Variants in TASOR2 observed in about 807,000 individuals in gnomAD.
The protein encoded by TASOR2 is protein TASOR 2.
Under a neutral mutation model 199.5 loss-of-function variants are expected in TASOR2, and 84 were observed. The observed-to-expected ratio is 0.42, with a 90% CI of 0.35 to 0.50. The LOEUF is 0.50. Among genes scored for constraint, TASOR2 ranks in the 20% least tolerant of loss-of-function variants. The pLI is 0.02. For synonymous variants in TASOR2, 1,103 were observed against 1,046.6 expected (o/e 1.05, Z -1.04); for missense variants, 2,796 against 2,835.9 (o/e 0.99, Z 0.32).
At chr10:5,755,850 G>T (rs1361137795) in intron 15 of TASOR2, among the ~76,000 whole-genome samples, 1 of 151,954 alleles carries the variant, frequency 6.6e-6, no homozygotes. Context: ...AAAAAAGCCG[G>T]GCCCAGTGAT....
At chr10:5,704,793 T>A in intron 1 of TASOR2, among the ~76,000 whole-genome samples, 1 of 152,356 alleles carries the variant, frequency 6.6e-6, no homozygotes, top group South Asian at 2.1e-4. Context: ...ATCATGTTAC[T>A]CTTTAACTTA....
At position 5,734,650 on chromosome 10, in the gene TASOR2, T is replaced by C. The variant is rs1835300220; in HGVS notation, c.1205-654T>C. ...CTGTTTGTTTAAACAGAAATATCTA[T>C]ATCCTGGGGCTGTGATCTAGCATAT... On this transcript the variant is annotated intron_variant, in intron 11 of 20. Transcript: ENST00000328090. 3.3e-5 allele frequency among the ~76,000 whole-genome samples: 5 copies of C among 152,094 alleles called. No homozygotes were observed. In the South Asian group the frequency reaches 1.0e-3, roughly 32 times the overall value.
In TASOR2 at chr10:5,748,943, C is replaced by T; in HGVS notation, c.5522C>T (p.Pro1841Leu). The T allele has an allele frequency of 1.2e-6, 2 of 1,613,938 alleles. No individual in the cohort carries two copies. The highest frequency in any genetic ancestry group is 1.7e-6 in the Non-Finnish European group (2 of 1,180,010). Residue 1841 changes from proline (P) to leucine (L), a missense_variant, in exon 15 of 21, where the codon CCC becomes CTC. Physicochemically the swap from Pro to Leu is moderately conservative, Grantham distance 98 (BLOSUM62 -3). This residue lies in a region of TASOR2 where 1,941 missense variants were observed against 1,924.9 expected (regional missense o/e 1.01). Coordinates refer to ENST00000328090, the Ensembl canonical transcript of TASOR2. The surrounding 1 kb of genome is among the most constrained non-coding windows in gnomAD (Gnocchi z 5.1). Reference sequence around the variant, plus strand: ...GACCTGCTTGGTGATTGTAGAAATCCCAGACTGGATTTGGAGGATTCTTAT... The same window carrying T: ...GACCTGCTTGGTGATTGTAGAAATCTCAGACTGGATTTGGAGGATTCTTAT...
rs1838109498 is a variant in TASOR2, at chr10:5,752,012, C to T, written c.6606+1985C>T. On this transcript the variant is annotated intron_variant, in intron 15 of 20. Coordinates refer to ENST00000328090, the Ensembl canonical transcript of TASOR2. This position sits in a 1 kb window ranked among gnomAD's most constrained non-coding sequence, Gnocchi z 4.4. ...AAGTCCCCCTCCCCCATCCTCCTCC[C>T]AACCCCAGGTATAATGAGACCCCTC... Among the ~76,000 whole-genome samples the T allele has an allele frequency of 6.6e-6, 1 of 152,020 alleles. No homozygotes were observed. The highest frequency in any genetic ancestry group is 2.1e-4 in the South Asian group (1 of 4,820).
At chr10:5,749,332 A>G (rs777043310) in exon 15 of TASOR2, 4 of 1,614,208 alleles carry the variant, frequency 2.5e-6, no homozygotes, top group Non-Finnish European at 3.4e-6. Context: ...AGACGACCTC[A>G]CCCAGAACAC....
intron 16 of TASOR2, among the ~76,000 whole-genome samples, 166 bp downstream of exon 17, chr10:5,756,904 G>A (rs140035411): frequency 6.6e-6 from 1 of 152,260 alleles, no homozygotes; most frequent in Non-Finnish European, 1.5e-5. Flanking sequence ...ATATTACCAA[G>A]TTATTTGTAG....
intron 1 of TASOR2, chr10:5,712,025 T>G (rs1348901656): frequency 6.5e-6 from 1 of 154,916 alleles, no homozygotes; most frequent in Non-Finnish European, 1.4e-5. Context: ...AAACAAAGGA[T>G]GAAAAAAACT....
chr10:5,746,866 G>C (rs762905893), exon 15 of TASOR2: 6 of 1,614,186 alleles, frequency 3.7e-6, no homozygotes, highest in Non-Finnish European at 5.1e-6. Flanking sequence ...GCCCCTTCCA[G>C]TCTCTCTACC....
intron 11 of TASOR2, among the ~76,000 whole-genome samples, chr10:5,734,282 T>C (rs918117292): frequency 6.6e-6 from 1 of 152,238 alleles, no homozygotes; most frequent in Non-Finnish European, 1.5e-5. Context: ...TTTTATGCCA[T>C]GTGAGAAGCA....
chr10:5,758,504 C>T (rs1255559291), intron 17 of TASOR2, among the ~76,000 whole-genome samples: 4 of 152,166 alleles, frequency 2.6e-5, no homozygotes, highest in African/African-American at 9.7e-5. Flanking sequence ...TGCCACCACA[C>T]TCCAGCCTGG....
In TASOR2 at chr10:5,730,188, C is replaced by G. The variant is rs1834617157; in HGVS notation, c.488-299C>G. On this transcript the variant is annotated intron_variant, in intron 10 of 20. Transcript: ENST00000328090. This position sits in a 1 kb window ranked among gnomAD's most constrained non-coding sequence, Gnocchi z 4.1. ...TGATGAACCATTGAGCTCATGAGCTCCTTGTTAGGTGAGATGGAGCTGGAG... is the reference window on the plus strand; with the variant it reads ...TGATGAACCATTGAGCTCATGAGCTGCTTGTTAGGTGAGATGGAGCTGGAG... Among the ~76,000 whole-genome samples, 1 of 152,154 alleles carries G rather than the reference C, an allele frequency of 6.6e-6. No homozygotes were observed. Among genetic ancestry groups the G allele is most frequent in the South Asian group, 2.1e-4 (1 of 4,832 alleles).
chr10:5,709,636 A>G, intron 1 of TASOR2: 1 of 1,231,186 alleles, frequency 8.1e-7, no homozygotes, highest in Non-Finnish European at 1.0e-6. Flanking sequence ...CTTAGAGAAG[A>G]TCGAGACAGG....
chr10:5,726,747 C>T (rs1173923459), intron 8 of TASOR2, 138 bp from the exon 10 acceptor site: 5 of 682,590 alleles, frequency 7.3e-6, no homozygotes, highest in Non-Finnish European at 1.2e-5. Flanking sequence ...ATACTGGGGA[C>T]AGAATTACCC....
At chr10:5,695,322 A>G (rs968655555) in intron 1 of TASOR2, among the ~76,000 whole-genome samples, 19 of 152,238 alleles carry the variant, frequency 1.2e-4, no homozygotes, top group African/African-American at 4.6e-4. Context: ...ATCATGCAAG[A>G]AAAGGACAGG....
In TASOR2 at chr10:5,762,524, T is replaced by TTTTTC; in HGVS notation, c.7175-6_7175-5insTTCTT. ...TAACCAAAAGTTGTTTTTTTTTTTT[T>TTTTTC]TTAACAGACAAGCCTACTATCCCCA... On this transcript the variant is annotated splice_region_variant and splice_polypyrimidine_tract_variant and intron_variant, in intron 19 of 20. Coordinates refer to ENST00000328090, the Ensembl canonical transcript of TASOR2. 1.5e-6 allele frequency: 1 copy of TTTTTC among 689,328 alleles called. No individual in the cohort carries two copies. 42.7% of individuals were successfully genotyped at this position (689,328 alleles called of 1,614,324 possible). A position where few individuals can be genotyped will look rare whatever the true frequency, so the allele number is the denominator to read the frequency against.
rs765063150 is a variant in TASOR2 at position 5,730,687 on chromosome 10, A to G, written c.688A>G (p.Met230Val). The G allele has an allele frequency of 6.2e-7, 1 of 1,614,224 alleles. No homozygotes were observed. Among genetic ancestry groups the G allele is most frequent in the Non-Finnish European group, 8.5e-7 (1 of 1,180,026 alleles). The change falls in exon 11 of 21, where the codon ATG (methionine) becomes GTG (valine). Residue 230 changes from methionine (M) to valine (V), a missense_variant. Physicochemically the swap from Met to Val is conservative, Grantham distance 21. This residue lies in a region of TASOR2 where 847 missense variants were observed against 887.4 expected (regional missense o/e 0.95). Coordinates refer to ENST00000328090, the Ensembl canonical transcript of TASOR2. The surrounding 1 kb of genome is among the most constrained non-coding windows in gnomAD (Gnocchi z 4.1). ...ATTGAGTGTTGCTCCTCAGGATAGA[A>G]TGAAAGACCCTACATTCTTGGGGAA...
Position 5,689,389 on chromosome 10 carries a change from C to T in TASOR2, c.-288+4214C>T, listed in dbSNP as rs1348556125. Among the ~76,000 whole-genome samples, 1 of 152,162 alleles carries T rather than the reference C, an allele frequency of 6.6e-6. No individual in the cohort carries two copies. The highest frequency in any genetic ancestry group is 1.5e-5 in the Non-Finnish European group (1 of 68,042). ...GGCCGAGGTGGGCGGATCAAGAGGT[C>T]AGGAGTTCAAGACCAGCCTGACCAA... On this transcript the variant is annotated intron_variant, in intron 1 of 20. Transcript: ENST00000328090. The surrounding 1 kb of genome is among the most constrained non-coding windows in gnomAD (Gnocchi z 4.1).
chr10:5,749,008 A>G lies in TASOR2; in HGVS notation c.5587A>G (p.Thr1863Ala). 6.2e-7 allele frequency: 1 copy of G among 1,614,146 alleles called. No homozygotes were observed. Among genetic ancestry groups the G allele is most frequent in the Non-Finnish European group, 8.5e-7 (1 of 1,180,048 alleles). The change falls in exon 15 of 21, where the codon ACA becomes GCA. Residue 1863 changes from threonine (T) to alanine (A), a missense_variant. Physicochemically the swap from Thr to Ala is moderately conservative, Grantham distance 58. Transcript: ENST00000328090. Reference sequence around the variant, plus strand: ...TTACACCAGGAAAAAAGATGTTCCCACAGATGGCTATGAGTCGTCGTTGAA... The same window carrying G: ...TTACACCAGGAAAAAAGATGTTCCCGCAGATGGCTATGAGTCGTCGTTGAA...
chr10:5,762,879 T>C (rs1840101973), intron 20 of TASOR2, 150 bp from the exon 22 acceptor site: 2 of 702,084 alleles, frequency 2.8e-6, no homozygotes, highest in Non-Finnish European at 2.3e-6. Context: ...TAATGTGCAT[T>C]TTCACTTGCT....
Sources: gnomAD v4.1 joint callset for allele counts (sites outside exome capture counted in the v4.1 genomes callset) on GRCh38, gnomAD v4.1.1 for gene constraint, gnomAD v4.1.1 regional missense constraint, Gnocchi (gnomAD v3.1) non-coding constraint, MANE v1.5 for transcripts, NCBI Gene and HGNC (gene_info 2026-07-23, HGNC 2026-07-21) for gene names.